Variants in BRCA1 observed in about 807,000 individuals in gnomAD.
The protein encoded by BRCA1 is breast cancer type 1 susceptibility protein.
Under a neutral mutation model 173.7 loss-of-function variants are expected in BRCA1, and 140 were observed. The observed-to-expected ratio is 0.81, with a 90% CI of 0.70 to 0.93. The LOEUF is 0.93. Among genes scored for constraint, BRCA1 ranks in the 40% least tolerant of loss-of-function variants. BRCA1 has a pLI of 0.00. For synonymous variants in BRCA1, 662 were observed against 756.0 expected (o/e 0.88, Z 2.04); for missense variants, 1,983 against 2,172.5 (o/e 0.91, Z 1.73).
Position 43,165,565 on chromosome 17 carries a change from T to G in BRCA1, c.-20+4561A>C, listed in dbSNP as rs370442993. 3.9e-5 allele frequency among the ~76,000 whole-genome samples: 6 copies of G among 152,138 alleles called. No individual in the cohort carries two copies. In the East Asian group the frequency reaches 1.2e-3, roughly 29 times the overall value. ...AACATTTTTTGCATAAATTTTTTTATAACATTTTTCTCTTTCGTGACTTTC... is the reference window on the plus strand; with the variant it reads ...AACATTTTTTGCATAAATTTTTTTAGAACATTTTTCTCTTTCGTGACTTTC... On this transcript the variant is annotated intron_variant, in intron 1 of 7. Transcript: ENST00000634433.
At chr17:43,140,839 C>A (rs898810397) in intron 1 of BRCA1, among the ~76,000 whole-genome samples, 1 of 152,188 alleles carries the variant, frequency 6.6e-6, no homozygotes. Context: ...TCTCCCCAGG[C>A]GGCCTGACCT....
intron 3 of BRCA1, among the ~76,000 whole-genome samples, chr17:43,114,994 G>C (rs959954273): frequency 7.9e-5 from 12 of 152,134 alleles, no homozygotes; most frequent in Non-Finnish European, 1.5e-4. Context: ...ATAGAAACTG[G>C]TATCAGGTCC....
At chr17:43,157,800 C>T (rs1489709020) in intron 1 of BRCA1, among the ~76,000 whole-genome samples, 1 of 151,668 alleles carries the variant, frequency 6.6e-6, no homozygotes, top group Non-Finnish European at 1.5e-5. Flanking sequence ...AGTTTGAGAC[C>T]AGCCTGATCA....
intron 3 of BRCA1, among the ~76,000 whole-genome samples, chr17:43,106,842 A>G (rs1489642544): frequency 6.6e-6 from 1 of 152,224 alleles, no homozygotes; most frequent in East Asian, 1.9e-4. Flanking sequence ...TAATTATTTC[A>G]TGCTGCATAA....
chr17:43,048,484 C>T (rs1244245170), intron 21 of BRCA1, among the ~76,000 whole-genome samples: 3 of 150,872 alleles, frequency 2.0e-5, no homozygotes, highest in Non-Finnish European at 4.4e-5. Context: ...GGATTACAGG[C>T]GTGAGCCACC....
intron 19 of BRCA1, among the ~76,000 whole-genome samples, chr17:43,054,996 C>T (rs976075235): frequency 4.6e-5 from 7 of 152,024 alleles, no homozygotes; most frequent in Admixed American, 1.3e-4. Context: ...GTGATCCACC[C>T]GCCTTGGGCT....
At chr17:43,090,833 T>A (rs2053422253) in intron 11 of BRCA1, 111 bp downstream of exon 11, 1 of 1,007,716 alleles carries the variant, frequency 9.9e-7, no homozygotes, top group South Asian at 1.4e-5. Flanking sequence ...CAAACAATTG[T>A]GCCATTAATT....
chr17:43,142,212 C>G (rs2056080563), intron 1 of BRCA1, among the ~76,000 whole-genome samples: 2 of 152,204 alleles, frequency 1.3e-5, no homozygotes, highest in South Asian at 4.1e-4. Flanking sequence ...CTGTGCCCAG[C>G]CTAGTCTTGG....
intron 6 of BRCA1, among the ~76,000 whole-genome samples, chr17:43,103,286 G>A (rs1403236371): frequency 9.2e-5 from 14 of 151,566 alleles, no homozygotes; most frequent in Admixed American, 4.6e-4. Context: ...GACCAATATG[G>A]TGAAACCCCG....
chr17:43,137,118 C>T (rs566890129), intron 1 of BRCA1, among the ~76,000 whole-genome samples: 19 of 152,072 alleles, frequency 1.2e-4, no homozygotes, highest in African/African-American at 4.3e-4. Flanking sequence ...ATGATGAGTT[C>T]ATGTCCTTTG....
At chr17:43,120,492 G>A (rs1367600444) in intron 2 of BRCA1, among the ~76,000 whole-genome samples, 3 of 152,176 alleles carry the variant, frequency 2.0e-5, no homozygotes, top group South Asian at 2.1e-4. Context: ...AAGGCCGGGC[G>A]CGGTGGCTCA....
chr17:43,132,506 T>G (rs369728806), intron 1 of BRCA1: 18 of 152,036 alleles, frequency 1.2e-4, no homozygotes, highest in African/African-American at 4.3e-4. Context: ...AGAATCCTAC[T>G]TCTATCACTT....
intron 1 of BRCA1, among the ~76,000 whole-genome samples, chr17:43,132,248 G>C (rs2055973511): frequency 6.6e-6 from 1 of 152,052 alleles, no homozygotes; most frequent in East Asian, 1.9e-4. Context: ...TCTCTTTCCT[G>C]AACATCAATA....
chr17:43,082,424 T>C lies in BRCA1; in HGVS notation c.4337A>G (p.Glu1446Gly), dbSNP rs1273755215. Reference sequence around the variant, plus strand: ...CACACCTTTTTCTGATGTGCTTTGTTCTGGATTTCGCAGGTCCTCAAGGGC... The same window carrying C: ...CACACCTTTTTCTGATGTGCTTTGTCCTGGATTTCGCAGGTCCTCAAGGGC... ...SSALEDLRNP[E>G]QSTSEKAVLT... Residue 1446 changes from glutamate (E) to glycine (G), a missense_variant, in exon 12 of 23, where the codon GAA becomes GGA. By Grantham distance (98) the Glu-to-Gly change is moderately conservative (BLOSUM62 -2). Transcript: ENST00000357654. 1 of 1,614,152 alleles carries C rather than the reference T, an allele frequency of 6.2e-7. No individual in the cohort carries two copies. Among genetic ancestry groups the C allele is most frequent in the Middle Eastern group, 1.6e-4 (1 of 6,062 alleles).
intron 3 of BRCA1, among the ~76,000 whole-genome samples, chr17:43,108,729 A>AAT (rs2054903175): frequency 3.3e-5 from 5 of 150,570 alleles, no homozygotes; most frequent in Non-Finnish European, 7.4e-5. Flanking sequence ...AAAAAAAAAA[A>AAT]AAAGGCCAGG....
In BRCA1 at chr17:43,092,387, A is replaced by G. The variant is rs80356837; in HGVS notation, c.3144T>C (p.Gly1048=). 1 of 1,613,700 alleles carries G rather than the reference A, an allele frequency of 6.2e-7. No homozygotes were observed. Among genetic ancestry groups the G allele is most frequent in the South Asian group, 1.1e-5 (1 of 91,076 alleles). The stretch of plus-strand genomic sequence containing the variant: ...TGGAGCCCACTTCATTAGTACTGGA[A>G]CCTACTTCATTAATATTGCTTGAGC... ...EASSSNINEV[G]SSTNEVGSSI... The change falls in exon 10 of 23, where the codon GGT becomes GGC. Residue 1048 remains glycine (G), a synonymous_variant. Transcript: ENST00000357654.
At chr17:43,052,693 G>A (rs556511632) in intron 19 of BRCA1, among the ~76,000 whole-genome samples, 11 of 151,686 alleles carry the variant, frequency 7.3e-5, no homozygotes, top group African/African-American at 2.7e-4. Context: ...AAGAGACTGC[G>A]ATAGAGAAAA....
chr17:43,162,914 C>T (rs1321139489), intron 1 of BRCA1: 1 of 152,188 alleles, frequency 6.6e-6, no homozygotes, highest in African/African-American at 2.4e-5. Flanking sequence ...CTAGAATAAA[C>T]TGAGTCCAAC....
chr17:43,052,188 C>T lies in BRCA1; in HGVS notation c.5278-1071G>A, dbSNP rs150614759. On this transcript the variant is annotated intron_variant, in intron 19 of 22. Transcript: ENST00000357654. ...CTGTGATAGTCACAATGTTCTATAT[C>T]TATGCTAATAAGGTAGCCATGAGTC... Among the ~76,000 whole-genome samples the T allele has an allele frequency of 2.7e-3, 416 of 152,310 alleles. 1 individual carries two copies. Among genetic ancestry groups the T allele is most frequent in the African/African-American group, 9.4e-3 (391 of 41,574 alleles).
Sources: gnomAD v4.1 joint callset for allele counts (sites outside exome capture counted in the v4.1 genomes callset) on GRCh38, gnomAD v4.1.1 for gene constraint, MANE v1.5 for transcripts, NCBI Gene and HGNC (gene_info 2026-07-23, HGNC 2026-07-21) for gene names.